The following CHD7 variants were observed in gnomAD, a reference collection of about 807,000 sequenced individuals.
CHD7 encodes ATP-dependent chromatin remodeler CHD7.
Under a neutral mutation model 307.3 loss-of-function variants are expected in CHD7, and 24 were observed. The ratio of observed to expected loss-of-function variants is 0.08; its 90% CI spans 0.06 to 0.11. The LOEUF (loss-of-function observed/expected upper bound fraction) is 0.11. Ranked by LOEUF, CHD7 falls within the 10% of genes least tolerant of loss-of-function variation. The probability of loss-of-function intolerance (pLI) is 1.00; values close to 1 mark genes in which losing one functional copy is unlikely to be tolerated. For synonymous variants in CHD7, 1,363 were observed against 1,349.9 expected (o/e 1.01, Z -0.21); for missense variants, 3,106 against 3,727.1 (o/e 0.83, Z 4.34).
At chr8:60,691,799 G>A (rs533770548) in intron 1 of CHD7, among the ~76,000 whole-genome samples, 5 of 152,334 alleles carry the variant, frequency 3.3e-5, no homozygotes, top group Admixed American at 6.5e-5. Context: ...CAAGAAACTC[G>A]TAAAGTGTGT....
At chr8:60,850,982 CT>C in intron 26 of CHD7, 49 bp from the exon 27 acceptor site, 1 of 1,328,888 alleles carries the variant, frequency 7.5e-7, no homozygotes, top group Non-Finnish European at 1.0e-6. Context: ...CCCCTTCCTT[CT>C]TTTGCTTATC....
chr8:60,698,861 A>G (rs28600309), intron 1 of CHD7, among the ~76,000 whole-genome samples: 73,139 of 152,028 alleles, frequency 0.48, 21,555 homozygotes, highest in East Asian at 0.74. Flanking sequence ...GTCACAGTTC[A>G]CTGCAACCTC....
rs142317423 is a variant in CHD7, at chr8:60,774,050, A to G, written c.1666-6950A>G. Among the ~76,000 whole-genome samples, 8 of 152,334 alleles carry G rather than the reference A, an allele frequency of 5.3e-5. No individual in the cohort carries two copies. The East Asian group carries it at 1.5e-3, about 29-fold the overall frequency. ...CTTTATGGTTTTGGAGAAGGACAGC[A>G]GTCTACTCCCTAGGCTTGTGCTGTG... On this transcript the variant is annotated intron_variant, in intron 2 of 37. Coordinates refer to ENST00000423902, the MANE Select transcript of CHD7 (RefSeq NM_017780.4).
At chr8:60,726,058 T>A (rs779127460) in intron 1 of CHD7, among the ~76,000 whole-genome samples, 4 of 152,252 alleles carry the variant, frequency 2.6e-5, no homozygotes, top group Non-Finnish European at 5.9e-5. Flanking sequence ...TTCCGATTAC[T>A]AATAGTTTCC....
At chr8:60,824,756 CA>C (rs1804190806) in intron 13 of CHD7, 3 of 152,140 alleles carry the variant, frequency 2.0e-5, no homozygotes, top group African/African-American at 7.2e-5. Context: ...CATAGTCTTC[CA>C]GCTTCCCAAG....
At chr8:60,753,963 A>C (rs892148732) in intron 2 of CHD7, among the ~76,000 whole-genome samples, 9 of 152,182 alleles carry the variant, frequency 5.9e-5, no homozygotes, top group Non-Finnish European at 1.0e-4. Context: ...TCCCCACGTC[A>C]AAGAGCCATG....
At chr8:60,778,884 C>G (rs1230598328) in intron 2 of CHD7, among the ~76,000 whole-genome samples, 1 of 152,168 alleles carries the variant, frequency 6.6e-6, no homozygotes, top group Non-Finnish European at 1.5e-5. Flanking sequence ...GACAGTGCCT[C>G]TGTTGATGTG....
At chr8:60,717,448 G>C (rs76181334) in intron 1 of CHD7, among the ~76,000 whole-genome samples, 59 of 152,272 alleles carry the variant, frequency 3.9e-4, no homozygotes, top group African/African-American at 1.4e-3. Context: ...CTGTGTTCTT[G>C]ATATAGGTCA....
Position 60,845,293 on chromosome 8 carries a change from G to A in CHD7, c.5094G>A (p.Val1698=). 6.2e-7 allele frequency: 1 copy of A among 1,613,726 alleles called. No homozygotes were observed. The highest frequency in any genetic ancestry group is 8.5e-7 in the Non-Finnish European group (1 of 1,179,652). The change falls in exon 23 of 38, where the codon GTG becomes GTA. Residue 1698 remains valine, a synonymous_variant. Coordinates refer to ENST00000423902, the MANE Select transcript of CHD7 (RefSeq NM_017780.4). ...CAAGGGGAAGGAAGGGAAAGAAGGT[G>A]AAAGCCCAGAGCACACAGCCGGTGG... ...PVPRGRKGKK[V]KAQSTQPVVQ...
intron 2 of CHD7, among the ~76,000 whole-genome samples, chr8:60,766,426 A>G (rs1484786473): frequency 6.6e-6 from 1 of 152,200 alleles, no homozygotes; most frequent in Non-Finnish European, 1.5e-5. Flanking sequence ...TTTAAGAGAA[A>G]CGTGATGCGA....
At chr8:60,795,222 A>G in intron 4 of CHD7, 95 bp downstream of exon 4, 1 of 1,182,044 alleles carries the variant, frequency 8.5e-7, no homozygotes, top group Non-Finnish European at 1.2e-6. Context: ...ATCTTGTTAT[A>G]GAGATGCTCT....
intron 1 of CHD7, among the ~76,000 whole-genome samples, chr8:60,713,049 CAA>C (rs373922396): frequency 3.9e-5 from 4 of 102,142 alleles, no homozygotes; most frequent in East Asian, 3.2e-4. Context: ...AACTCTGTCT[CAA>C]AAAAAAAAAA....
At chr8:60,792,786 C>G (rs1811838157) in intron 3 of CHD7, among the ~76,000 whole-genome samples, 1 of 152,218 alleles carries the variant, frequency 6.6e-6, no homozygotes, top group Admixed American at 6.5e-5. Flanking sequence ...GTACATCGCT[C>G]TGGTATAGAG....
intron 21 of CHD7, among the ~76,000 whole-genome samples, chr8:60,843,863 T>A (rs1381910709): frequency 6.6e-6 from 1 of 152,192 alleles, no homozygotes; most frequent in Non-Finnish European, 1.5e-5. Context: ...TTCCAAGGCC[T>A]AGCAGTGAGA....
chr8:60,786,636 A>T (rs542449321), intron 3 of CHD7, among the ~76,000 whole-genome samples: 6 of 152,162 alleles, frequency 3.9e-5, no homozygotes, highest in Non-Finnish European at 8.8e-5. Context: ...TTTTCTGGAG[A>T]CACATTCCTT....
At chr8:60,854,617 A>G (rs532441158) in intron 32 of CHD7, 94 bp downstream of exon 32, 2 of 1,192,466 alleles carry the variant, frequency 1.7e-6, no homozygotes, top group African/African-American at 1.5e-5. Flanking sequence ...ATTTTAAGGT[A>G]AACTTTTGAC....
At chr8:60,757,913 T>C (rs1809973648) in intron 2 of CHD7, among the ~76,000 whole-genome samples, 1 of 152,234 alleles carries the variant, frequency 6.6e-6, no homozygotes, top group Admixed American at 6.5e-5. Flanking sequence ...CTTGTCTGTT[T>C]ATAATTGTTT....
intron 25 of CHD7, among the ~76,000 whole-genome samples, chr8:60,850,051 A>G (rs1455378446): frequency 2.0e-5 from 3 of 152,152 alleles, no homozygotes; most frequent in Non-Finnish European, 4.4e-5. Context: ...GGCCTTATGT[A>G]TATGGGGATT....
rs1167486077 is a variant in CHD7 at position 60,755,904 on chromosome 8, T to C, written c.1665+12807T>C. ...TCTTTGATATCATGCTAATAATGAG[T>C]GTTTGTAGAAAATATATAACCTAGT... On this transcript the variant is annotated intron_variant, in intron 2 of 37. Coordinates refer to ENST00000423902, the MANE Select transcript of CHD7 (RefSeq NM_017780.4). Among the ~76,000 whole-genome samples, 5 of 152,140 alleles carry C rather than the reference T, an allele frequency of 3.3e-5. No individual in the cohort carries two copies. In the South Asian group the frequency reaches 6.2e-4, roughly 19 times the overall value.
Sources: allele counts gnomAD v4.1 joint callset (sites outside exome capture counted in the v4.1 genomes callset), GRCh38; gene constraint gnomAD v4.1.1; transcripts MANE v1.5; gene names NCBI Gene and HGNC (gene_info 2026-07-23, HGNC 2026-07-21).